SLC39A11: variants seen among roughly 807,000 people sequenced by gnomAD.
SLC39A11 encodes solute carrier family 39 member 11.
SLC39A11 carries 33 observed loss-of-function variants against 36.1 expected under a neutral mutation model. The ratio of observed to expected loss-of-function variants is 0.91; its 90% CI spans 0.69 to 1.22. SLC39A11 has a LOEUF of 1.22. SLC39A11 is among the 50% of genes most tolerant of loss of function. The pLI is 0.00. For synonymous variants in SLC39A11, 166 were observed against 170.3 expected, an observed-to-expected ratio of 0.97 and a Z score of 0.20; for missense variants, 432 against 430.3, an observed-to-expected ratio of 1.00 and a Z score of -0.03.
intron 5 of SLC39A11, among the ~76,000 whole-genome samples, chr17:72,928,962 C>G (rs991498311): frequency 2.6e-5 from 4 of 152,248 alleles, no homozygotes; most frequent in African/African-American, 9.6e-5. Context: ...GCCTGTGAAC[C>G]CGCATTGGTG....
intron 4 of SLC39A11, among the ~76,000 whole-genome samples, chr17:72,980,653 G>A (rs537087751): frequency 2.0e-5 from 3 of 152,300 alleles, no homozygotes; most frequent in East Asian, 3.9e-4. Context: ...ATGATAAGAC[G>A]TGAAGTTGCA....
At chr17:72,857,574 C>A (rs2146147061) in intron 5 of SLC39A11, among the ~76,000 whole-genome samples, 1 of 152,328 alleles carries the variant, frequency 6.6e-6, no homozygotes, top group Middle Eastern at 3.4e-3. Flanking sequence ...TTTAGTTCAA[C>A]AACGGTTGAA....
intron 6 of SLC39A11, among the ~76,000 whole-genome samples, chr17:72,765,537 C>A (rs1598629083): frequency 6.6e-6 from 1 of 152,134 alleles, no homozygotes; most frequent in South Asian, 2.1e-4. Flanking sequence ...GGGCAGCAGG[C>A]AAAATGAACC....
chr17:72,908,502 C>T (rs1052205548), intron 5 of SLC39A11, among the ~76,000 whole-genome samples: 1 of 152,228 alleles, frequency 6.6e-6, no homozygotes, highest in Non-Finnish European at 1.5e-5. Context: ...ACCGTGCCGT[C>T]TCTGCCAAGG....
intron 7 of SLC39A11, among the ~76,000 whole-genome samples, chr17:72,651,716 C>G (rs547880684): frequency 6.6e-6 from 1 of 152,072 alleles, no homozygotes; most frequent in Non-Finnish European, 1.5e-5. Flanking sequence ...TGATAGCATC[C>G]GAAAACTGAT....
At chr17:73,015,967 C>T (rs1000302341) in intron 4 of SLC39A11, among the ~76,000 whole-genome samples, 7 of 152,126 alleles carry the variant, frequency 4.6e-5, no homozygotes, top group African/African-American at 1.2e-4. Context: ...CTAAGGTCAA[C>T]GAGTCCAAAG....
rs185463600 is a variant in SLC39A11, at chr17:72,906,307, T to C, written c.430+41445A>G. ...GTCAGCCAGAGGTCTGAGCCACAAA[T>C]GGCCAGGAAGCCAGGCCAAGGAGTC... On this transcript the variant is annotated intron_variant, in intron 5 of 9. Transcript: ENST00000255559. Among the ~76,000 whole-genome samples, 299 of 152,344 alleles carry C rather than the reference T, an allele frequency of 2.0e-3. 5 individuals carry two copies. In the South Asian group the frequency reaches 0.037, roughly 19 times the overall value.
chr17:72,903,426 G>A (rs74926571), intron 5 of SLC39A11, among the ~76,000 whole-genome samples: 1 of 152,078 alleles, frequency 6.6e-6, no homozygotes, highest in Non-Finnish European at 1.5e-5. Context: ...TATAATACTC[G>A]CTAGTTCCTA....
intron 4 of SLC39A11, among the ~76,000 whole-genome samples, chr17:73,005,134 T>C (rs1374766997): frequency 6.6e-6 from 1 of 152,138 alleles, no homozygotes; most frequent in Non-Finnish European, 1.5e-5. Flanking sequence ...GTAGCTGGGA[T>C]TACAACTAAT....
intron 4 of SLC39A11, among the ~76,000 whole-genome samples, chr17:72,977,696 A>G (rs542929210): frequency 6.6e-6 from 1 of 152,202 alleles, no homozygotes; most frequent in Non-Finnish European, 1.5e-5. Flanking sequence ...CACCTTCCAT[A>G]AAACACACAA....
At chr17:73,037,056 T>C (rs2143288784) in intron 3 of SLC39A11, among the ~76,000 whole-genome samples, 1 of 152,232 alleles carries the variant, frequency 6.6e-6, no homozygotes, top group East Asian at 1.9e-4. Context: ...TCTCATGACT[T>C]GATAAAGCAT....
At chr17:73,034,786 T>G (rs984464773) in intron 3 of SLC39A11, among the ~76,000 whole-genome samples, 1 of 152,196 alleles carries the variant, frequency 6.6e-6, no homozygotes, top group Non-Finnish European at 1.5e-5. Flanking sequence ...TCTGCATCAC[T>G]GAGTACCAAC....
chr17:73,079,868 C>A (rs535577067), intron 3 of SLC39A11, among the ~76,000 whole-genome samples: 1 of 152,222 alleles, frequency 6.6e-6, no homozygotes, highest in African/African-American at 2.4e-5. Flanking sequence ...AGCTGAGAAT[C>A]AAAGCAAAAA....
chr17:72,654,868 G>A (rs779271149), intron 7 of SLC39A11, among the ~76,000 whole-genome samples: 1 of 152,356 alleles, frequency 6.6e-6, no homozygotes, highest in South Asian at 2.1e-4. Context: ...AGTCCTCGCC[G>A]TGACATAGCG....
chr17:72,909,557 A>G (rs2082853667), intron 5 of SLC39A11, among the ~76,000 whole-genome samples: 1 of 152,000 alleles, frequency 6.6e-6, no homozygotes, highest in African/African-American at 2.4e-5. Context: ...AATCCTAAGG[A>G]AAAAAAAGAA....
rs950018884 is a variant in SLC39A11, at chr17:72,751,286, A to G, written c.602-14567T>C. Among the ~76,000 whole-genome samples the G allele has an allele frequency of 1.2e-4, 19 of 152,314 alleles. No homozygotes were observed. In the South Asian group the frequency reaches 1.9e-3, roughly 15 times the overall value. On this transcript the variant is annotated intron_variant, in intron 6 of 9. Coordinates refer to ENST00000255559, the MANE Select transcript of SLC39A11 (RefSeq NM_139177.4). ...GAGCGTACAATATTGGTGTGCTAAC[A>G]TATGATTATATAATCAGGTTGCTAT...
rs114693154 is a variant in SLC39A11 at position 72,886,833 on chromosome 17, C to T, written c.431-37029G>A. Reference sequence around the variant, plus strand: ...CTTCTCACGAATGCTCCCTGTGACCCGGATGCTCCTTCTGACTGGAGTGCT... The same window carrying T: ...CTTCTCACGAATGCTCCCTGTGACCTGGATGCTCCTTCTGACTGGAGTGCT... On this transcript the variant is annotated intron_variant, in intron 5 of 9. Coordinates refer to ENST00000255559, the MANE Select transcript of SLC39A11 (RefSeq NM_139177.4). Among the ~76,000 whole-genome samples, 1,349 of 152,320 alleles carry T rather than the reference C, an allele frequency of 8.9e-3. 22 individuals are homozygous for T. The highest frequency in any genetic ancestry group is 0.031 in the African/African-American group (1,306 of 41,582).
intron 5 of SLC39A11, among the ~76,000 whole-genome samples, chr17:72,916,092 A>C (rs899583106): frequency 2.6e-5 from 4 of 152,168 alleles, no homozygotes; most frequent in African/African-American, 7.2e-5. Context: ...TCAATTAATG[A>C]GCAAATGCTG....
At chr17:73,012,946 G>A (rs562792052) in intron 4 of SLC39A11, among the ~76,000 whole-genome samples, 14 of 151,920 alleles carry the variant, frequency 9.2e-5, no homozygotes, top group African/African-American at 2.2e-4. Context: ...CTACAAGTGC[G>A]AGCCACCAGG....
Sources: gnomAD v4.1 joint callset for allele counts (sites outside exome capture counted in the v4.1 genomes callset) on GRCh38, gnomAD v4.1.1 for gene constraint, MANE v1.5 for transcripts, NCBI Gene and HGNC (gene_info 2026-07-23, HGNC 2026-07-21) for gene names.